Variants in CNTN3 observed in about 807,000 individuals in gnomAD.
CNTN3 encodes the protein contactin-3.
A neutral mutation model predicts 119.1 loss-of-function variants in CNTN3; 60 were observed. The observed-to-expected ratio is 0.50, with a 90% CI of 0.41 to 0.62. The LOEUF (loss-of-function observed/expected upper bound fraction) is 0.62, where lower values mean the gene tolerates loss of function less well. Ranked by LOEUF, CNTN3 falls within the 20% of genes least tolerant of loss-of-function variation. The pLI, the probability that CNTN3 is intolerant of heterozygous loss-of-function variation, is 0.00. For missense variants in CNTN3, 1,101 were observed against 1,242.4 expected, an observed-to-expected ratio of 0.89 and a Z score of 1.71; for synonymous variants, 450 against 438.7, an observed-to-expected ratio of 1.03 and a Z score of -0.32.
At chr3:74,505,413 C>T (rs1374359885) in intron 2 of CNTN3, among the ~76,000 whole-genome samples, 2 of 151,566 alleles carry the variant, frequency 1.3e-5, no homozygotes, top group South Asian at 2.1e-4. Flanking sequence ...GGAACTACTG[C>T]GACCAAGTGG....
At chr3:74,446,097 CAGA>C (rs1264030664) in intron 4 of CNTN3, among the ~76,000 whole-genome samples, 1 of 152,142 alleles carries the variant, frequency 6.6e-6, no homozygotes, top group Non-Finnish European at 1.5e-5. Flanking sequence ...GCTGCAGAGT[CAGA>C]AGAACTGGCC....
In CNTN3 at chr3:74,521,048, T is replaced by C; in HGVS notation, c.55+10A>G. The C allele has an allele frequency of 1.9e-6, 3 of 1,569,974 alleles. No individual in the cohort carries two copies. Among genetic ancestry groups the C allele is most frequent in the Non-Finnish European group, 2.6e-6 (3 of 1,151,112 alleles). ...AACCTCAACTTAGAAAATATAGGAT[T>C]TTTTTTTACCTCCTAAGCAGCCAAT... is the stretch of plus-strand genomic sequence containing the variant. On this transcript the variant is annotated intron_variant, in intron 2 of 22. Transcript: ENST00000263665.
chr3:74,419,308 A>G (rs1373078018), intron 5 of CNTN3, among the ~76,000 whole-genome samples: 1 of 152,088 alleles, frequency 6.6e-6, no homozygotes, highest in Non-Finnish European at 1.5e-5. Context: ...CCTAGAGATG[A>G]AAACTCCTAT....
chr3:74,551,360 G>C (rs529765304), intron 1 of CNTN3, among the ~76,000 whole-genome samples: 2 of 152,270 alleles, frequency 1.3e-5, no homozygotes, highest in East Asian at 3.9e-4. Flanking sequence ...CAGCAAAACT[G>C]AGAAGAAAGT....
intron 1 of CNTN3, among the ~76,000 whole-genome samples, chr3:74,549,364 C>A (rs550528605): frequency 6.6e-6 from 1 of 152,056 alleles, no homozygotes; most frequent in African/African-American, 2.4e-5. Flanking sequence ...GAACTGTGAG[C>A]CTATTAAACC....
chr3:74,496,534 C>T (rs1200147352), intron 3 of CNTN3, among the ~76,000 whole-genome samples: 1 of 151,974 alleles, frequency 6.6e-6, no homozygotes, highest in Non-Finnish European at 1.5e-5. Context: ...CCTATTTTAC[C>T]CCAATCTCAC....
intron 4 of CNTN3, among the ~76,000 whole-genome samples, chr3:74,433,517 G>A (rs957468197): frequency 6.6e-6 from 1 of 152,158 alleles, no homozygotes; most frequent in Admixed American, 6.6e-5. Flanking sequence ...AACAGCCTCA[G>A]GATCTGTTGT....
chr3:74,448,391 A>T (rs1702086631), intron 4 of CNTN3, among the ~76,000 whole-genome samples: 1 of 152,196 alleles, frequency 6.6e-6, no homozygotes, highest in Admixed American at 6.5e-5. Context: ...AAAAGAGACT[A>T]TGATGATGTA....
chr3:74,323,247 G>T (rs1473829545), intron 13 of CNTN3, among the ~76,000 whole-genome samples: 1 of 152,252 alleles, frequency 6.6e-6, no homozygotes, highest in East Asian at 1.9e-4. Flanking sequence ...GAGGATGGGG[G>T]CACATGGGTA....
intron 2 of CNTN3, among the ~76,000 whole-genome samples, chr3:74,514,299 T>C (rs1044611055): frequency 6.6e-6 from 1 of 152,176 alleles, no homozygotes; most frequent in African/African-American, 2.4e-5. Flanking sequence ...TCTTCATTTA[T>C]GTATTTATCT....
intron 18 of CNTN3, 66 bp from the exon 19 acceptor site, chr3:74,295,302 GTTC>G (rs1250392200): frequency 8.7e-6 from 7 of 804,752 alleles, no homozygotes; most frequent in Non-Finnish European, 1.4e-5. Context: ...ACAGATTAAT[GTTC>G]TTATTTTTAT....
intron 11 of CNTN3, among the ~76,000 whole-genome samples, chr3:74,347,136 C>T (rs866423982): frequency 6.6e-6 from 1 of 152,074 alleles, no homozygotes; most frequent in Non-Finnish European, 1.5e-5. Context: ...ATAATTCATG[C>T]ACAACAAACA....
intron 2 of CNTN3, among the ~76,000 whole-genome samples, chr3:74,518,220 G>C (rs934099563): frequency 1.3e-5 from 2 of 151,860 alleles, no homozygotes; most frequent in Admixed American, 1.3e-4. Context: ...CAATGATCAA[G>C]GTTATAAGAA....
intron 1 of CNTN3, among the ~76,000 whole-genome samples, chr3:74,600,212 T>C (rs1433541648): frequency 6.6e-6 from 1 of 151,880 alleles, no homozygotes; most frequent in Non-Finnish European, 1.5e-5. Context: ...AGGTTTAAGG[T>C]GAATAGGGGA....
At position 74,526,610 on chromosome 3, in the gene CNTN3, T is replaced by C. The variant is rs143247265; in HGVS notation, c.-80-5418A>G. On this transcript the variant is annotated intron_variant, in intron 1 of 22. Coordinates refer to ENST00000263665, the MANE Select transcript of CNTN3 (RefSeq NM_020872.3). ...TGAACTCTGGGCTCCAAATCCAAAA[T>C]TCTTAAACAGCTCACCCATCTTTCC... 3.4e-4 allele frequency among the ~76,000 whole-genome samples: 52 copies of C among 151,898 alleles called. No homozygotes were observed. The East Asian group carries it at 0.01, about 30-fold the overall frequency.
chr3:74,267,492 G>T, intron 20 of CNTN3, 114 bp from the exon 21 acceptor site: 1 of 703,748 alleles, frequency 1.4e-6, no homozygotes, highest in East Asian at 2.5e-5. Context: ...GATGCCTTTG[G>T]TAATGCTTGG....
intron 18 of CNTN3, among the ~76,000 whole-genome samples, chr3:74,296,736 T>C (rs1702344892): frequency 6.6e-6 from 1 of 152,216 alleles, no homozygotes; most frequent in Non-Finnish European, 1.5e-5. Flanking sequence ...GGCAAATTTA[T>C]TACTCTCTTT....
chr3:74,454,047 T>C (rs866248510), intron 4 of CNTN3, among the ~76,000 whole-genome samples: 4,954 of 140,642 alleles, frequency 0.035, 294 homozygotes, highest in African/African-American at 0.13. Flanking sequence ...CAGAGCTGAG[T>C]TCAATTCCTG....
chr3:74,376,323 G>A (rs1704474857), intron 5 of CNTN3, among the ~76,000 whole-genome samples: 1 of 152,162 alleles, frequency 6.6e-6, no homozygotes. Context: ...TGAGCAGTGA[G>A]CAAGCAAGCA....
Sources: allele counts gnomAD v4.1 joint callset (sites outside exome capture counted in the v4.1 genomes callset), GRCh38; gene constraint gnomAD v4.1.1; transcripts MANE v1.5; gene names NCBI Gene and HGNC (gene_info 2026-07-23, HGNC 2026-07-21).